Variants in IFT74 observed in about 807,000 individuals in gnomAD.
IFT74 encodes intraflagellar transport 74.
IFT74 carries 92 observed loss-of-function variants against 96.7 expected under a neutral mutation model. The observed-to-expected ratio is 0.95, with a 90% CI of 0.80 to 1.13. IFT74 has a LOEUF of 1.13. IFT74 is among the 50% of genes most tolerant of loss of function. IFT74 has a pLI of 0.00. For missense variants in IFT74, 811 were observed against 698.2 expected (o/e 1.16, Z -1.82); for synonymous variants, 223 against 213.2 (o/e 1.05, Z -0.40).
At chr9:26,978,317 A>G in intron 3 of IFT74, 54 bp downstream of exon 3, 2 of 1,561,130 alleles carry the variant, frequency 1.3e-6, no homozygotes, top group Admixed American at 2.0e-5. Flanking sequence ...TAAGAAATAA[A>G]TAACTGTGAA....
intron 12 of IFT74, among the ~76,000 whole-genome samples, chr9:27,019,963 T>C (rs1033998071): frequency 6.6e-6 from 1 of 151,918 alleles, no homozygotes; most frequent in African/African-American, 2.4e-5. Flanking sequence ...AGCATACCAA[T>C]TGTTTTAATT....
chr9:27,052,797 C>G (rs896533124), intron 16 of IFT74, among the ~76,000 whole-genome samples: 2 of 152,124 alleles, frequency 1.3e-5, no homozygotes, highest in African/African-American at 4.8e-5. Flanking sequence ...TTCAAAACAC[C>G]ATGAGAGGTT....
intron 8 of IFT74, among the ~76,000 whole-genome samples, chr9:27,004,665 T>C (rs1828680288): frequency 6.6e-6 from 1 of 152,246 alleles, no homozygotes; most frequent in African/African-American, 2.4e-5. Context: ...TCAGTCATTG[T>C]TGCTTTCTTT....
intron 13 of IFT74, among the ~76,000 whole-genome samples, chr9:27,041,556 G>A (rs78688243): frequency 3.6e-3 from 545 of 152,110 alleles, no homozygotes; most frequent in African/African-American, 0.012. Flanking sequence ...TCCTTTTACC[G>A]TTGTGTCCCT....
chr9:26,991,409 A>G (rs10812507), intron 8 of IFT74, among the ~76,000 whole-genome samples: 48,704 of 151,730 alleles, frequency 0.32, 9,195 homozygotes, highest in East Asian at 0.69. Context: ...TTGGGGAGAC[A>G]GGGTCTTATT....
intron 3 of IFT74, among the ~76,000 whole-genome samples, chr9:26,980,353 C>T (rs1827315689): frequency 6.6e-6 from 1 of 152,202 alleles, no homozygotes; most frequent in South Asian, 2.1e-4. Flanking sequence ...AACAGCCCCA[C>T]CTCTAGTCCC....
At chr9:27,060,834 T>C (rs960876091) in intron 19 of IFT74, 183 bp downstream of exon 19, 2 of 362,704 alleles carry the variant, frequency 5.5e-6, no homozygotes, top group East Asian at 4.6e-5. Context: ...TGGTGGCGGG[T>C]GCCTGCAATC....
chr9:27,001,460 CCAGCA>C (rs1828485501), intron 8 of IFT74, among the ~76,000 whole-genome samples: 1 of 152,170 alleles, frequency 6.6e-6, no homozygotes, highest in African/African-American at 2.4e-5. Context: ...CACATCGTCA[CCAGCA>C]TCCGTTATTG....
At chr9:27,014,809 G>T (rs10967662) in intron 10 of IFT74, among the ~76,000 whole-genome samples, 1 of 152,028 alleles carries the variant, frequency 6.6e-6, no homozygotes, top group Admixed American at 6.5e-5. Context: ...GGGTTTCACT[G>T]TGTTGGCCAG....
chr9:26,994,862 A>G (rs2131563678), intron 8 of IFT74: 1 of 152,708 alleles, frequency 6.5e-6, no homozygotes, highest in South Asian at 2.1e-4. Context: ...GGAAGCCAGT[A>G]TGACATTAAA....
At chr9:26,970,709 A>T (rs921774873) in intron 2 of IFT74, among the ~76,000 whole-genome samples, 1 of 152,218 alleles carries the variant, frequency 6.6e-6, no homozygotes, top group African/African-American at 2.4e-5. Flanking sequence ...TTTTATTTGA[A>T]TTTGTAGTTG....
intron 13 of IFT74, among the ~76,000 whole-genome samples, chr9:27,032,578 A>C (rs1587388641): frequency 6.6e-6 from 1 of 152,004 alleles, no homozygotes; most frequent in Non-Finnish European, 1.5e-5. Context: ...TTAAAAAAAA[A>C]GTGTCCTGGC....
chr9:26,956,725 AC>A (rs5897218), intron 1 of IFT74, among the ~76,000 whole-genome samples: 9,586 of 151,918 alleles, frequency 0.063, 355 homozygotes, highest in Middle Eastern at 0.16. Flanking sequence ...CCCCTCCCCG[AC>A]CCCCCGCAGG....
intron 16 of IFT74, among the ~76,000 whole-genome samples, chr9:27,052,243 C>T (rs1819954355): frequency 6.6e-6 from 1 of 152,114 alleles, no homozygotes; most frequent in Non-Finnish European, 1.5e-5. Flanking sequence ...GGGGAGGTGG[C>T]TCACGCCTGT....
chr9:27,030,013 T>C lies in IFT74; in HGVS notation c.1054+909T>C, dbSNP rs73643130. ...TTGGGGTTTGACTATGTAGAAATAC[T>C]GTGGTGGGGGTTTGGGTGTGGGGGC... is the stretch of plus-strand genomic sequence containing the variant. On this transcript the variant is annotated intron_variant, in intron 13 of 19. Coordinates refer to ENST00000380062, the MANE Select transcript of IFT74 (RefSeq NM_025103.4). Among the ~76,000 whole-genome samples, 1,114 of 152,062 alleles carry C rather than the reference T, an allele frequency of 7.3e-3. 13 individuals carry two copies. Among genetic ancestry groups the C allele is most frequent in the African/African-American group, 0.026 (1,059 of 41,490 alleles).
chr9:27,059,541 C>G (rs769988894), intron 18 of IFT74, among the ~76,000 whole-genome samples: 2 of 152,190 alleles, frequency 1.3e-5, no homozygotes, highest in African/African-American at 4.8e-5. Context: ...TGGTACTTGA[C>G]TTTGCTGAAG....
Position 26,980,635 on chromosome 9 carries a change from C to A in IFT74, c.305+16C>A. On this transcript the variant is annotated intron_variant, in intron 4 of 19. Coordinates refer to ENST00000380062, the MANE Select transcript of IFT74 (RefSeq NM_025103.4). ...GGCTTCTTAGGTATGTTAAACATAT[C>A]TTTTCATCCGTATGTTTTACTCGAA... The A allele has an allele frequency of 1.3e-6, 2 of 1,537,384 alleles. No individual in the cohort carries two copies. The highest frequency in any genetic ancestry group is 1.8e-6 in the Non-Finnish European group (2 of 1,114,204).
rs193115972 is a variant in IFT74, at chr9:27,032,633, T to A, written c.1054+3529T>A. Among the ~76,000 whole-genome samples, 49 of 152,124 alleles carry A rather than the reference T, an allele frequency of 3.2e-4. No homozygotes were observed. In the East Asian group the frequency reaches 8.9e-3, roughly 28 times the overall value. On this transcript the variant is annotated intron_variant, in intron 13 of 19. Coordinates refer to ENST00000380062, the MANE Select transcript of IFT74 (RefSeq NM_025103.4). ...CTGTAATCCCAGCACTTTGGGAGGC[T>A]GAGGCAGGCGGATCATGAGGTCAGG...
intron 8 of IFT74, among the ~76,000 whole-genome samples, chr9:27,006,867 C>G (rs371623738): frequency 8.4e-6 from 1 of 119,004 alleles, no homozygotes; most frequent in African/African-American, 3.3e-5. Context: ...GATGGAGTCT[C>G]GCTCTGTCAC....
Sources: allele counts gnomAD v4.1 joint callset (sites outside exome capture counted in the v4.1 genomes callset), GRCh38; gene constraint gnomAD v4.1.1; transcripts MANE v1.5; gene names NCBI Gene and HGNC (gene_info 2026-07-23, HGNC 2026-07-21).